NRM: variants seen among roughly 807,000 people sequenced by gnomAD.
NRM encodes the protein nuclear rim protein.
NRM carries 19 observed loss-of-function variants against 23.4 expected under a neutral mutation model. That is an observed-to-expected ratio of 0.81 (90% CI 0.57 to 1.19). NRM has a LOEUF of 1.19. NRM is among the 50% of genes most tolerant of loss of function. The pLI, the probability that NRM is intolerant of heterozygous loss-of-function variation, is 0.00. For synonymous variants in NRM, 140 were observed against 143.5 expected (o/e 0.98, Z 0.17); for missense variants, 232 against 329.7 (o/e 0.70, Z 2.30).
Position 30,690,312 on chromosome 6 carries a change from C to G in NRM, c.134-69G>C, listed in dbSNP as rs1771478708. ...GGCAGAATGTTTCCCCCACCCTCAT[C>G]TCCTCTTGGATCCCCAGGCCATGTC... is the stretch of plus-strand genomic sequence containing the variant. On this transcript the variant is annotated intron_variant, in intron 1 of 3. Transcript: ENST00000376421. The surrounding 1 kb of genome is among the most constrained non-coding windows in gnomAD (Gnocchi z 5.5). 7.3e-7 allele frequency: 1 copy of G among 1,377,272 alleles called. No individual in the cohort carries two copies. Among genetic ancestry groups the G allele is most frequent in the African/African-American group, 1.5e-5 (1 of 68,640 alleles). The allele number at this position is 1,377,272 out of a possible 1,614,324, so 85.3% of individuals were successfully genotyped here.
Position 30,688,932 on chromosome 6 carries a change from T to C in NRM, c.518A>G (p.His173Arg), listed in dbSNP as rs772345057. 2.5e-6 allele frequency: 4 copies of C among 1,612,710 alleles called. No individual in the cohort carries two copies. In the Admixed American group the frequency reaches 5.0e-5, roughly 20 times the overall value. The part of the protein sequence containing the change: ...ELMGLKQVYY[H>R]VLGLGEPLAL... ...CAGAGGCTCGCCCAGCCCCAGCACA[T>C]GGTAGTATACCTAAGAGAGGGAGAA... The change falls in exon 4 of 4, where the codon CAT (histidine) becomes CGT (arginine). Residue 173 changes from histidine to arginine, a missense_variant. Physicochemically the swap from His to Arg is conservative, Grantham distance 29 (BLOSUM62 0). Transcript: ENST00000376421. The surrounding 1 kb of genome is among the most constrained non-coding windows in gnomAD (Gnocchi z 5.9).
chr6:30,688,256 T>C lies in NRM; in HGVS notation c.*405A>G. ...GAGGGACAGCTATGACCGTTGAACT[T>C]GCAGACCCTGGTCCACCTTCTTGGA... On this transcript the variant is annotated 3_prime_UTR_variant, in exon 4 of 4. Coordinates refer to ENST00000376421, the MANE Select transcript of NRM (RefSeq NM_001384369.1). The surrounding 1 kb of genome is among the most constrained non-coding windows in gnomAD (Gnocchi z 5.9). 1 of 215,768 alleles carries C rather than the reference T, an allele frequency of 4.6e-6. No homozygotes were observed. Among genetic ancestry groups the C allele is most frequent in the Non-Finnish European group, 9.4e-6 (1 of 105,986 alleles). 13.4% of individuals were successfully genotyped at this position (215,768 alleles called of 1,614,324 possible).
In NRM at chr6:30,689,696, AAGT is replaced by A. The variant is rs1471090858; in HGVS notation, c.331-247_331-245del. Reference sequence around the variant, plus strand: ...GATGGGGTGACCTGATAGCTACGCAAAGTAGTAGCCTGTGCCAACCACCCAGTG... The same window carrying A: ...GATGGGGTGACCTGATAGCTACGCAAAGTAGCCTGTGCCAACCACCCAGTG... On this transcript the variant is annotated intron_variant, in intron 2 of 3. Transcript: ENST00000376421. The surrounding 1 kb of genome is among the most constrained non-coding windows in gnomAD (Gnocchi z 4.7). 3.3e-5 allele frequency among the ~76,000 whole-genome samples: 5 copies of A among 152,150 alleles called. No homozygotes were observed. Among genetic ancestry groups the A allele is most frequent in the Non-Finnish European group, 7.4e-5 (5 of 68,024 alleles).
In NRM at chr6:30,688,303, G is replaced by A. The variant is rs1771159749; in HGVS notation, c.*358C>T. On this transcript the variant is annotated 3_prime_UTR_variant, in exon 4 of 4. Coordinates refer to ENST00000376421, the MANE Select transcript of NRM (RefSeq NM_001384369.1). This position sits in a 1 kb window ranked among gnomAD's most constrained non-coding sequence, Gnocchi z 5.9. ...TGGAGTGGAAGCCAGCGGTGCAGAA[G>A]GGGACCCCTGAGGCGCAGAGGCAAG... 3.4e-6 allele frequency: 1 copy of A among 291,458 alleles called. No homozygotes were observed. The highest frequency in any genetic ancestry group is 6.5e-6 in the Non-Finnish European group (1 of 153,054). 18.1% of individuals were successfully genotyped at this position (291,458 alleles called of 1,614,324 possible). A position where few individuals can be genotyped will look rare whatever the true frequency, so the allele number is the denominator to read the frequency against.
At position 30,690,058 on chromosome 6, in the gene NRM, G is replaced by C; in HGVS notation, c.319C>G (p.Leu107Val). 6.2e-7 allele frequency: 1 copy of C among 1,609,434 alleles called. No homozygotes were observed. Among genetic ancestry groups the C allele is most frequent in the Non-Finnish European group, 8.5e-7 (1 of 1,178,788 alleles). Residue 107 changes from leucine (L) to valine (V), a missense_variant, in exon 2 of 4, where the codon CTG becomes GTG. Leu to Val is a conservative substitution (Grantham distance 32). Transcript: ENST00000376421. The surrounding 1 kb of genome is among the most constrained non-coding windows in gnomAD (Gnocchi z 5.5). The stretch of plus-strand genomic sequence containing the variant: ...CCAGGGCCTCATACCTGCAAGGCCA[G>C]GGCAGTGCAGGCCACATACAGTGAC... ...QRSLYVACTA[L>V]ALQLVMRYWE... is the part of the protein sequence containing the mutation.
chr6:30,688,154 G>A lies in NRM; in HGVS notation c.*507C>T, dbSNP rs1771144319. 1 of 161,460 alleles carries A rather than the reference G, an allele frequency of 6.2e-6. No homozygotes were observed. The highest frequency in any genetic ancestry group is 1.7e-4 in the South Asian group (1 of 5,742). The allele number at this position is 161,460 out of a possible 1,614,324, so 10.0% of individuals were successfully genotyped here. A position where few individuals can be genotyped will look rare whatever the true frequency, so the allele number is the denominator to read the frequency against. On this transcript the variant is annotated 3_prime_UTR_variant, in exon 4 of 4. Coordinates refer to ENST00000376421, the MANE Select transcript of NRM (RefSeq NM_001384369.1). The surrounding 1 kb of genome is among the most constrained non-coding windows in gnomAD (Gnocchi z 5.9). Reference sequence around the variant, plus strand: ...GCAGGAGAATCCCCTTGACTAGGTTGGGGTCTGAGCCCAGAGGCAGGGCCT... The same window carrying A: ...GCAGGAGAATCCCCTTGACTAGGTTAGGGTCTGAGCCCAGAGGCAGGGCCT...
Position 30,689,127 on chromosome 6 carries a change from G to T in NRM, c.507+149C>A. 9.4e-7 allele frequency: 1 copy of T among 1,060,960 alleles called. No individual in the cohort carries two copies. Among genetic ancestry groups the T allele is most frequent in the Non-Finnish European group, 1.3e-6 (1 of 751,154 alleles). 65.7% of individuals were successfully genotyped at this position (1,060,960 alleles called of 1,614,324 possible). A position where few individuals can be genotyped will look rare whatever the true frequency, so the allele number is the denominator to read the frequency against. The stretch of plus-strand genomic sequence containing the variant: ...CCCCAGGCCCAGGAGGCCCATGCTT[G>T]CTGCCCTTACGAGGGAAAGTCAAAG... On this transcript the variant is annotated intron_variant, in intron 3 of 3. Coordinates refer to ENST00000376421, the MANE Select transcript of NRM (RefSeq NM_001384369.1). The surrounding 1 kb of genome is among the most constrained non-coding windows in gnomAD (Gnocchi z 4.7).
rs1456795387 is a variant in NRM at position 30,690,589 on chromosome 6, T to G, written c.133+253A>C. ...TCAACAGTCCTCTCTACAAAACACT[T>G]TACTTAGAATACTCCGGTCACCGCC... On this transcript the variant is annotated intron_variant, in intron 1 of 3. Coordinates refer to ENST00000376421, the MANE Select transcript of NRM (RefSeq NM_001384369.1). The surrounding 1 kb of genome is among the most constrained non-coding windows in gnomAD (Gnocchi z 5.5). The G allele has an allele frequency of 3.9e-6, 6 of 1,543,004 alleles. No individual in the cohort carries two copies. The highest frequency in any genetic ancestry group is 5.3e-6 in the Non-Finnish European group (6 of 1,142,450).
At position 30,689,197 on chromosome 6, in the gene NRM, G is replaced by A. The variant is rs1771302758; in HGVS notation, c.507+79C>T. 7.3e-7 allele frequency: 1 copy of A among 1,366,102 alleles called. No homozygotes were observed. Among genetic ancestry groups the A allele is most frequent in the South Asian group, 1.4e-5 (1 of 71,538 alleles). The allele number at this position is 1,366,102 out of a possible 1,614,324, so 84.6% of individuals were successfully genotyped here. ...AGCAGGGAGACAGTAGAAGAGCATG[G>A]GAGGAGGGAAACCCTTGAAAGGGAA... On this transcript the variant is annotated intron_variant, in intron 3 of 3. Coordinates refer to ENST00000376421, the MANE Select transcript of NRM (RefSeq NM_001384369.1). This position sits in a 1 kb window ranked among gnomAD's most constrained non-coding sequence, Gnocchi z 4.7.
upstream of NRM, chr6:30,691,174 T>G: frequency 1.8e-6 from 1 of 562,568 alleles, no homozygotes; most frequent in Non-Finnish European, 3.1e-6. Context: ...CGGCCTGCTG[T>G]CTCTCCGTCA....
At position 30,689,418 on chromosome 6, in the gene NRM, C is replaced by T. The variant is rs751958496; in HGVS notation, c.365G>A (p.Gly122Asp). 1 of 1,575,236 alleles carries T rather than the reference C, an allele frequency of 6.3e-7. No homozygotes were observed. The highest frequency in any genetic ancestry group is 1.2e-5 in the South Asian group (1 of 85,710). The change falls in exon 3 of 4, where the codon GGC becomes GAC. Residue 122 changes from glycine to aspartate, a missense_variant. Gly to Asp is a moderately conservative substitution (Grantham distance 94). Transcript: ENST00000376421. The surrounding 1 kb of genome is among the most constrained non-coding windows in gnomAD (Gnocchi z 4.7). ...AGCCCGAGCCTCCCACAACACAGGG[C>T]CTTTGGGTATGGGCTCCCAGTACCG... ...VMRYWEPIPK[G>D]PVLWEARAEP... is the part of the protein sequence containing the mutation.
upstream of NRM, chr6:30,691,019 C>T (rs1313323180): frequency 3.2e-6 from 5 of 1,553,450 alleles, no homozygotes; most frequent in South Asian, 2.3e-5. Flanking sequence ...TCGGGATTCC[C>T]GCTGCCACAG....
rs1380490272 is a variant in NRM, at chr6:30,688,714, G to C, written c.736C>G (p.Leu246Val). 1 of 1,614,020 alleles carries C rather than the reference G, an allele frequency of 6.2e-7. No individual in the cohort carries two copies. The highest frequency in any genetic ancestry group is 8.5e-7 in the Non-Finnish European group (1 of 1,179,998). ...QQDLRYLRAQ[L>V]QRKLHLLSRP... Reference sequence around the variant, plus strand: ...GAGAGCAGGTGGAGTTTTCTTTGTAGCTGGGCCCGGAGGTAGCGGAGGTCT... The same window carrying C: ...GAGAGCAGGTGGAGTTTTCTTTGTACCTGGGCCCGGAGGTAGCGGAGGTCT... The change falls in exon 4 of 4, where the codon CTA becomes GTA. Residue 246 changes from leucine to valine, a missense_variant. Transcript: ENST00000376421. This position sits in a 1 kb window ranked among gnomAD's most constrained non-coding sequence, Gnocchi z 5.9.
At position 30,690,881 on chromosome 6, in the gene NRM, GAAGGGAGGTA is replaced by G. The variant is rs780005736; in HGVS notation, c.84_93del (p.Thr29GlyfsTer54). The G allele has an allele frequency of 6.2e-7, 1 of 1,612,872 alleles. No homozygotes were observed. Among genetic ancestry groups the G allele is most frequent in the Non-Finnish European group, 8.5e-7 (1 of 1,179,922 alleles). The stretch of plus-strand genomic sequence containing the variant: ...TCCGGGATCCCTCCAAGAAGTGGCC[GAAGGGAGGTA>G]AAGCGCACGAACTCCACTCCGGTGC... On this transcript the variant is annotated frameshift_variant, in exon 1 of 4. Coordinates refer to ENST00000376421, the MANE Select transcript of NRM (RefSeq NM_001384369.1). LOFTEE classifies it high-confidence loss of function. This position sits in a 1 kb window ranked among gnomAD's most constrained non-coding sequence, Gnocchi z 5.5.
In NRM at chr6:30,690,657, C is replaced by T. The variant is rs1292251273; in HGVS notation, c.133+185G>A. ...TCCTCACTCTCCCGCCTCTCCAAAACTCTAATCCTTGAGTTCCTAATTTAG... is the reference window on the plus strand; with the variant it reads ...TCCTCACTCTCCCGCCTCTCCAAAATTCTAATCCTTGAGTTCCTAATTTAG... On this transcript the variant is annotated intron_variant, in intron 1 of 3. Coordinates refer to ENST00000376421, the MANE Select transcript of NRM (RefSeq NM_001384369.1). The surrounding 1 kb of genome is among the most constrained non-coding windows in gnomAD (Gnocchi z 5.5). 7 of 1,595,916 alleles carry T rather than the reference C, an allele frequency of 4.4e-6. No individual in the cohort carries two copies. The highest frequency in any genetic ancestry group is 6.0e-6 in the Non-Finnish European group (7 of 1,172,236).
At position 30,688,659 on chromosome 6, in the gene NRM, C is replaced by T; in HGVS notation, c.*2G>A. 2 of 1,612,984 alleles carry T rather than the reference C, an allele frequency of 1.2e-6. No homozygotes were observed. The highest frequency in any genetic ancestry group is 8.5e-7 in the Non-Finnish European group (1 of 1,179,374). ...ACAGGGCTTGTAACCAGAGTGAGCT[C>T]CTCACTCTGCCTCCCCATCCTGGGG... On this transcript the variant is annotated 3_prime_UTR_variant, in exon 4 of 4. Transcript: ENST00000376421. This position sits in a 1 kb window ranked among gnomAD's most constrained non-coding sequence, Gnocchi z 5.9.
chr6:30,690,358 T>A lies in NRM; in HGVS notation c.134-115A>T. On this transcript the variant is annotated intron_variant, in intron 1 of 3. Coordinates refer to ENST00000376421, the MANE Select transcript of NRM (RefSeq NM_001384369.1). This position sits in a 1 kb window ranked among gnomAD's most constrained non-coding sequence, Gnocchi z 5.5. ...ATGTCCCTTACTGCTTTCAAGAGCC[T>A]TAATGCTTCCTCTCTAGGCTGTGCC... The A allele has an allele frequency of 9.1e-7, 1 of 1,096,164 alleles. No homozygotes were observed. Among genetic ancestry groups the A allele is most frequent in the Non-Finnish European group, 1.3e-6 (1 of 778,254 alleles). 67.9% of individuals were successfully genotyped at this position (1,096,164 alleles called of 1,614,324 possible). A position where few individuals can be genotyped will look rare whatever the true frequency, so the allele number is the denominator to read the frequency against.
Position 30,689,025 on chromosome 6 carries a change from C to T in NRM, c.508-83G>A, listed in dbSNP as rs978992860. The stretch of plus-strand genomic sequence containing the variant: ...TTCTTTCCTCCTCTTCCAGGCACCA[C>T]CCTTCTAGAACTCAGGCCCAGGAAC... On this transcript the variant is annotated intron_variant, in intron 3 of 3. Transcript: ENST00000376421. This position sits in a 1 kb window ranked among gnomAD's most constrained non-coding sequence, Gnocchi z 4.7. 5 of 1,440,370 alleles carry T rather than the reference C, an allele frequency of 3.5e-6. No individual in the cohort carries two copies. The East Asian group carries it at 9.7e-5, about 28-fold the overall frequency. 89.2% of individuals were successfully genotyped at this position (1,440,370 alleles called of 1,614,324 possible).
In NRM at chr6:30,690,706, GCT is replaced by G; in HGVS notation, c.133+134_133+135del. On this transcript the variant is annotated intron_variant, in intron 1 of 3. Transcript: ENST00000376421. This position sits in a 1 kb window ranked among gnomAD's most constrained non-coding sequence, Gnocchi z 5.5. ...AGAACTCAGGTCTCCCTCCCCTGTAGCTTCTCGGCCGCTTTCAAGGTTCGAGT... is the reference window on the plus strand; with the variant it reads ...AGAACTCAGGTCTCCCTCCCCTGTAGTCTCGGCCGCTTTCAAGGTTCGAGT... The G allele has an allele frequency of 6.2e-7, 1 of 1,610,818 alleles. No individual in the cohort carries two copies.
Sources: allele counts gnomAD v4.1 joint callset (sites outside exome capture counted in the v4.1 genomes callset), GRCh38; gene constraint gnomAD v4.1.1; non-coding constraint Gnocchi (gnomAD v3.1); transcripts MANE v1.5; gene names NCBI Gene and HGNC (gene_info 2026-07-23, HGNC 2026-07-21).